Variants in MAP2K4 observed in about 807,000 individuals in gnomAD.
MAP2K4 encodes mitogen-activated protein kinase kinase 4.
MAP2K4 carries 4 observed loss-of-function variants against 48.5 expected under a neutral mutation model. The observed-to-expected ratio is 0.08, with a 90% CI of 0.04 to 0.19. MAP2K4 has a LOEUF of 0.19. MAP2K4 is among the 10% of genes least tolerant of loss of function. The pLI, the probability that MAP2K4 is intolerant of heterozygous loss-of-function variation, is 1.00. For synonymous variants in MAP2K4, 166 were observed against 173.1 expected (o/e 0.96, Z 0.32); for missense variants, 258 against 493.3 (o/e 0.52, Z 4.52).
At chr17:12,134,516 G>A (rs2151594563) in intron 9 of MAP2K4, among the ~76,000 whole-genome samples, 1 of 152,218 alleles carries the variant, frequency 6.6e-6, no homozygotes, top group South Asian at 2.1e-4. Flanking sequence ...TAAGAATAAA[G>A]GGCTAAAAAG....
chr17:12,021,066 G>C (rs1037571606), intron 1 of MAP2K4, 65 bp downstream of exon 1: 2 of 1,020,628 alleles, frequency 2.0e-6, no homozygotes, highest in Middle Eastern at 3.7e-4. Context: ...GTCGCGGCCT[G>C]CCCCAGCGGA....
intron 5 of MAP2K4, 68 bp from the exon 6 acceptor site, chr17:12,110,307 A>C: frequency 9.3e-7 from 1 of 1,074,364 alleles, no homozygotes; most frequent in Non-Finnish European, 1.4e-6. Context: ...ATTACTTGTG[A>C]TAAACTGTTG....
At chr17:12,104,237 C>T (rs899486242) in intron 4 of MAP2K4, among the ~76,000 whole-genome samples, 1 of 152,028 alleles carries the variant, frequency 6.6e-6, no homozygotes, top group African/African-American at 2.4e-5. Context: ...CATGTCCACA[C>T]GAAGGAAAAG....
At chr17:12,129,804 C>T (rs1394641784) in intron 9 of MAP2K4, among the ~76,000 whole-genome samples, 1 of 152,204 alleles carries the variant, frequency 6.6e-6, no homozygotes, top group African/African-American at 2.4e-5. Context: ...TGAAACCTTA[C>T]TCCAAGGAAG....
Position 12,141,151 on chromosome 17 carries a change from A to G in MAP2K4, c.1091A>G (p.His364Arg). ...TTGTTTTCAATTTTCTTGCAGAAAC[A>G]TCCCTTTATTTTGATGTATGAAGAA... is the stretch of plus-strand genomic sequence containing the variant. Reference protein sequence around the residue: ...KRPKYKELLKHPFILMYEERA... With the variant: ...KRPKYKELLKRPFILMYEERA... Residue 364 changes from histidine (H) to arginine (R), a missense_variant, in exon 11 of 11, where the codon CAT (histidine) becomes CGT (arginine). Transcript: ENST00000353533. 6.2e-7 allele frequency: 1 copy of G among 1,603,768 alleles called. No individual in the cohort carries two copies. The highest frequency in any genetic ancestry group is 8.5e-7 in the Non-Finnish European group (1 of 1,170,708).
intron 5 of MAP2K4, among the ~76,000 whole-genome samples, chr17:12,108,557 T>TTCGTA (rs28923216): frequency 6.6e-6 from 1 of 151,418 alleles, no homozygotes; most frequent in East Asian, 1.9e-4. Flanking sequence ...CTCTGAATCT[T>TTCGTA]AATTTTTTTT....
At chr17:12,043,797 G>T (rs1031951056) in intron 1 of MAP2K4, among the ~76,000 whole-genome samples, 7 of 152,088 alleles carry the variant, frequency 4.6e-5, no homozygotes, top group Non-Finnish European at 8.8e-5. Context: ...CAATCTGGAA[G>T]CTCCCCGAAC....
At chr17:12,104,718 C>T (rs1309522736) in intron 4 of MAP2K4, among the ~76,000 whole-genome samples, 1 of 151,642 alleles carries the variant, frequency 6.6e-6, no homozygotes, top group Non-Finnish European at 1.5e-5. Flanking sequence ...GTATGTTGTC[C>T]TTGTTTATAC....
intron 1 of MAP2K4, among the ~76,000 whole-genome samples, chr17:12,022,576 G>A (rs1216908030): frequency 6.6e-6 from 1 of 152,112 alleles, no homozygotes; most frequent in Non-Finnish European, 1.5e-5. Context: ...TTTATTGGTG[G>A]GGAGGCTGAC....
chr17:12,051,022 G>A (rs368810916), intron 1 of MAP2K4, among the ~76,000 whole-genome samples: 12 of 152,196 alleles, frequency 7.9e-5, no homozygotes, highest in African/African-American at 2.4e-4. Context: ...TTAAGGCAGA[G>A]TTTTGAAACC....
At chr17:12,088,378 C>T (rs980810420) in intron 3 of MAP2K4, among the ~76,000 whole-genome samples, 10 of 142,828 alleles carry the variant, frequency 7.0e-5, no homozygotes, top group African/African-American at 2.0e-4. Context: ...AAACTGGATG[C>T]GTTTTCAAAA....
chr17:12,059,196 A>T (rs1970374905), intron 2 of MAP2K4, among the ~76,000 whole-genome samples: 1 of 152,348 alleles, frequency 6.6e-6, no homozygotes, highest in South Asian at 2.1e-4. Context: ...ATGAAAGATT[A>T]AACTGGATAG....
intron 5 of MAP2K4, among the ~76,000 whole-genome samples, chr17:12,108,669 A>G (rs1219468774): frequency 6.6e-6 from 1 of 152,090 alleles, no homozygotes; most frequent in African/African-American, 2.4e-5. Context: ...GTTAGTTGAT[A>G]TATAAACTAA....
chr17:12,042,150 A>G (rs1969806743), intron 1 of MAP2K4, among the ~76,000 whole-genome samples: 1 of 146,478 alleles, frequency 6.8e-6, no homozygotes, highest in Non-Finnish European at 1.5e-5. Context: ...CTGGGCAACA[A>G]GAACGAAACT....
At chr17:12,051,011 C>T (rs1262702852) in intron 1 of MAP2K4, among the ~76,000 whole-genome samples, 1 of 152,156 alleles carries the variant, frequency 6.6e-6, no homozygotes, top group Non-Finnish European at 1.5e-5. Flanking sequence ...TGGCTGTTCT[C>T]TTAAGGCAGA....
chr17:12,110,315 T>G, intron 5 of MAP2K4, 60 bp from the exon 6 acceptor site: 2 of 1,126,164 alleles, frequency 1.8e-6, no homozygotes, highest in Non-Finnish European at 2.7e-6. Context: ...TGATAAACTG[T>G]TGTGCTGTTT....
intron 2 of MAP2K4, among the ~76,000 whole-genome samples, chr17:12,059,544 A>G (rs1970384858): frequency 6.6e-6 from 1 of 152,248 alleles, no homozygotes; most frequent in Admixed American, 6.5e-5. Context: ...ACACTAGCTT[A>G]AAAGTTAACA....
rs11555725 is a variant in MAP2K4, at chr17:12,142,026, G to C, written c.*766G>C. 3.2e-3 allele frequency: 757 copies of C among 233,336 alleles called. 2 individuals carry two copies. The highest frequency in any genetic ancestry group is 0.016 in the African/African-American group (737 of 45,436). The allele number at this position is 233,336 out of a possible 1,614,324, so 14.5% of individuals were successfully genotyped here. ...TCTGCCACTTGTCAAAGAAGGTGCT[G>C]ATCCTAAGAATTTTTCATTCTCAGA... On this transcript the variant is annotated 3_prime_UTR_variant, in exon 11 of 11. Transcript: ENST00000353533.
intron 3 of MAP2K4, among the ~76,000 whole-genome samples, chr17:12,093,425 C>T (rs1971629084): frequency 6.6e-6 from 1 of 152,070 alleles, no homozygotes; most frequent in Admixed American, 6.6e-5. Flanking sequence ...TCTGTAGCTA[C>T]GGTAGGGTTT....
Sources: gnomAD v4.1 joint callset for allele counts (sites outside exome capture counted in the v4.1 genomes callset) on GRCh38, gnomAD v4.1.1 for gene constraint, MANE v1.5 for transcripts, NCBI Gene and HGNC (gene_info 2026-07-23, HGNC 2026-07-21) for gene names.